The following CUL1 variants were observed in gnomAD, a reference collection of about 807,000 sequenced individuals.
CUL1 encodes cullin-1.
CUL1 carries 24 observed loss-of-function variants against 118.0 expected under a neutral mutation model. The observed-to-expected ratio is 0.20, with a 90% CI of 0.15 to 0.29. The LOEUF is 0.29. Ranked by LOEUF, CUL1 falls within the 10% of genes least tolerant of loss-of-function variation. The probability of loss-of-function intolerance (pLI) is 1.00; values close to 1 mark genes in which losing one functional copy is unlikely to be tolerated. For synonymous variants in CUL1, 332 were observed against 340.4 expected (o/e 0.98, Z 0.27); for missense variants, 361 against 933.8 (o/e 0.39, Z 7.99).
chr7:148,706,763 G>A (rs188647950), intron 1 of CUL1, among the ~76,000 whole-genome samples: 57 of 152,172 alleles, frequency 3.7e-4, no homozygotes, highest in African/African-American at 1.3e-3. Context: ...GTGTTCTCTC[G>A]ACATTATGAA....
At chr7:148,755,613 A>T (rs1799629158) in intron 3 of CUL1, among the ~76,000 whole-genome samples, 1 of 152,202 alleles carries the variant, frequency 6.6e-6, no homozygotes, top group African/African-American at 2.4e-5. Context: ...GTTGTAATTA[A>T]TTAATTATTC....
intron 9 of CUL1, 178 bp from the exon 10 acceptor site, chr7:148,783,605 A>C: frequency 6.6e-7 from 1 of 1,521,590 alleles, no homozygotes; most frequent in Non-Finnish European, 8.8e-7. Flanking sequence ...ATATAAACAA[A>C]ATGTCCTATG....
intron 1 of CUL1, among the ~76,000 whole-genome samples, chr7:148,729,330 G>C (rs1278590859): frequency 6.6e-6 from 1 of 152,154 alleles, no homozygotes; most frequent in Non-Finnish European, 1.5e-5. Context: ...TTAGAGCTTA[G>C]AGAGGTTAAG....
intron 2 of CUL1, among the ~76,000 whole-genome samples, chr7:148,735,408 C>T (rs1798906624): frequency 6.6e-6 from 1 of 152,248 alleles, no homozygotes; most frequent in Non-Finnish European, 1.5e-5. Flanking sequence ...CTCTGACCAT[C>T]GCCTTCCCTT....
At chr7:148,737,100 TTAA>T (rs1482570098) in intron 2 of CUL1, among the ~76,000 whole-genome samples, 1 of 152,244 alleles carries the variant, frequency 6.6e-6, no homozygotes, top group Non-Finnish European at 1.5e-5. Context: ...CCTGGTACTA[TTAA>T]AATCATTCTT....
intron 1 of CUL1, among the ~76,000 whole-genome samples, chr7:148,706,283 G>A (rs1235990672): frequency 6.6e-6 from 1 of 152,158 alleles, no homozygotes; most frequent in South Asian, 2.1e-4. Flanking sequence ...TTCAGTGCTT[G>A]GTATGAGCCA....
At chr7:148,741,897 T>C (rs1235067588) in intron 2 of CUL1, among the ~76,000 whole-genome samples, 4 of 152,260 alleles carry the variant, frequency 2.6e-5, no homozygotes, top group Non-Finnish European at 5.9e-5. Flanking sequence ...TTTCTGACTT[T>C]TTGATTCTAG....
Position 148,766,732 on chromosome 7 carries a change from C to T in CUL1, c.952+9C>T, listed in dbSNP as rs1475021489. On this transcript the variant is annotated intron_variant, in intron 8 of 21. Coordinates refer to ENST00000325222, the MANE Select transcript of CUL1 (RefSeq NM_003592.3). ...TGCTGACAAAAATGAAGGTGAGCCA[C>T]AAGACTCATAAAATGTAGGTATTTA... The T allele has an allele frequency of 6.2e-7, 1 of 1,606,078 alleles. No individual in the cohort carries two copies. The highest frequency in any genetic ancestry group is 1.3e-5 in the African/African-American group (1 of 74,522).
At chr7:148,798,520 A>ACTGCCTAC in intron 19 of CUL1, 52 bp from the exon 20 acceptor site, 1 of 1,378,198 alleles carries the variant, frequency 7.3e-7, no homozygotes, top group Non-Finnish European at 1.0e-6. Flanking sequence ...AGCAGCCTTC[A>ACTGCCTAC]CTGCCTACCT....
intron 1 of CUL1, among the ~76,000 whole-genome samples, chr7:148,723,567 G>A (rs1798463878): frequency 6.6e-6 from 1 of 151,878 alleles, no homozygotes; most frequent in South Asian, 2.1e-4. Context: ...TACTTATAAG[G>A]CTGCTTGTTG....
intron 7 of CUL1, among the ~76,000 whole-genome samples, chr7:148,765,704 C>T (rs1799982527): frequency 6.6e-6 from 1 of 152,176 alleles, no homozygotes; most frequent in Non-Finnish European, 1.5e-5. Context: ...ATATAATTCT[C>T]TTTACTCAGA....
chr7:148,722,755 C>G (rs1798436123), intron 1 of CUL1, among the ~76,000 whole-genome samples: 1 of 152,356 alleles, frequency 6.6e-6, no homozygotes, highest in South Asian at 2.1e-4. Flanking sequence ...GCCTTGTTTC[C>G]TTGAGCTGTG....
chr7:148,743,658 C>A (rs564196421), intron 2 of CUL1, among the ~76,000 whole-genome samples: 15 of 152,238 alleles, frequency 9.9e-5, no homozygotes, highest in Admixed American at 9.8e-4. Context: ...AATCCCAGCA[C>A]ATTGGGAGGC....
At chr7:148,774,417 T>C (rs1800329678) in intron 9 of CUL1, among the ~76,000 whole-genome samples, 1 of 152,202 alleles carries the variant, frequency 6.6e-6, no homozygotes, top group Admixed American at 6.5e-5. Context: ...GACACCAGCT[T>C]ATAGCACAAT....
At chr7:148,796,730 ACTCCCTCAG>A (rs1193880662) in intron 17 of CUL1, among the ~76,000 whole-genome samples, 1 of 151,466 alleles carries the variant, frequency 6.6e-6, no homozygotes, top group Non-Finnish European at 1.5e-5. Flanking sequence ...CAGTGTTAGA[ACTCCCTCAG>A]GAGGCTGCCG....
intron 2 of CUL1, among the ~76,000 whole-genome samples, chr7:148,750,807 A>C (rs565788927): frequency 2.5e-4 from 38 of 152,262 alleles, no homozygotes; most frequent in African/African-American, 8.4e-4. Context: ...TAAGGCCCTT[A>C]AGAATTATGC....
At chr7:148,783,672 G>A in intron 9 of CUL1, 111 bp from the exon 10 acceptor site, 2 of 1,559,798 alleles carry the variant, frequency 1.3e-6, no homozygotes, top group Non-Finnish European at 1.7e-6. Flanking sequence ...CTTTGAAAAG[G>A]TATCTATAGC....
chr7:148,737,359 C>T (rs116788533), intron 2 of CUL1, among the ~76,000 whole-genome samples: 1,540 of 151,828 alleles, frequency 0.01, 27 homozygotes, highest in African/African-American at 0.035. Context: ...TTGAAGTATG[C>T]TATTAGATGT....
chr7:148,713,330 A>G (rs749761017), intron 1 of CUL1, among the ~76,000 whole-genome samples: 1 of 152,222 alleles, frequency 6.6e-6, no homozygotes, highest in African/African-American at 2.4e-5. Flanking sequence ...GGCAGTCTTT[A>G]TAACACCTGT....
Sources: gnomAD v4.1 joint callset for allele counts (sites outside exome capture counted in the v4.1 genomes callset) on GRCh38, gnomAD v4.1.1 for gene constraint, MANE v1.5 for transcripts, NCBI Gene and HGNC (gene_info 2026-07-23, HGNC 2026-07-21) for gene names.